The following RIN2 variants were observed in gnomAD, a reference collection of about 807,000 sequenced individuals.
The protein encoded by RIN2 is RAB5 interacting protein 2.
RIN2 carries 36 observed loss-of-function variants against 78.0 expected under a neutral mutation model. The ratio of observed to expected loss-of-function variants is 0.46; its 90% confidence interval spans 0.35 to 0.61. The LOEUF (loss-of-function observed/expected upper bound fraction) is 0.61. Ranked by LOEUF, RIN2 falls within the 20% of genes least tolerant of loss-of-function variation. RIN2 has a pLI of 0.00. For synonymous variants in RIN2, 466 were observed against 466.8 expected (o/e 1.00, Z 0.02); for missense variants, 1,087 against 1,159.7 (o/e 0.94, Z 0.91).
At chr20:19,923,536 G>A (rs1302159569) in intron 3 of RIN2, among the ~76,000 whole-genome samples, 4 of 151,856 alleles carry the variant, frequency 2.6e-5, no homozygotes, top group African/African-American at 9.7e-5. Context: ...CCAGCACTTT[G>A]GGAGGCCAAG....
At chr20:19,808,862 G>A (rs1271338673) in intron 2 of RIN2, among the ~76,000 whole-genome samples, 2 of 152,176 alleles carry the variant, frequency 1.3e-5, no homozygotes, top group Non-Finnish European at 2.9e-5. Flanking sequence ...TGTTATGGTG[G>A]CCTTTATGGT....
chr20:19,998,430 C>T (rs1568729436), intron 12 of RIN2, among the ~76,000 whole-genome samples: 1 of 152,006 alleles, frequency 6.6e-6, no homozygotes, highest in African/African-American at 2.4e-5. Flanking sequence ...GACTCCATCT[C>T]GACAAAACAA....
chr20:19,798,123 T>A (rs1001063760), intron 1 of RIN2, among the ~76,000 whole-genome samples: 4 of 151,764 alleles, frequency 2.6e-5, no homozygotes, highest in African/African-American at 9.7e-5. Context: ...AGTGCTGGGA[T>A]TACAGGTGTG....
intron 3 of RIN2, among the ~76,000 whole-genome samples, chr20:19,910,465 G>C (rs906739678): frequency 4.0e-5 from 6 of 151,428 alleles, no homozygotes; most frequent in Non-Finnish European, 7.4e-5. Flanking sequence ...AAGCCACCAT[G>C]CTTGGCCTTC....
At chr20:19,826,293 T>C (rs2036088072) in intron 2 of RIN2, among the ~76,000 whole-genome samples, 1 of 152,190 alleles carries the variant, frequency 6.6e-6, no homozygotes, top group African/African-American at 2.4e-5. Context: ...TTATTAATCA[T>C]TTATTATATT....
At chr20:19,896,625 G>A (rs1488701312) in intron 3 of RIN2, among the ~76,000 whole-genome samples, 2 of 152,196 alleles carry the variant, frequency 1.3e-5, no homozygotes, top group African/African-American at 4.8e-5. Flanking sequence ...AAACAGCAGA[G>A]CAAGTAGAGA....
chr20:19,844,084 T>A (rs892913529), intron 2 of RIN2, among the ~76,000 whole-genome samples: 4 of 152,168 alleles, frequency 2.6e-5, no homozygotes, highest in Admixed American at 2.6e-4. Flanking sequence ...CTCCAGTATG[T>A]CAAATTCCAA....
chr20:19,838,372 T>A (rs2036482528), intron 2 of RIN2, among the ~76,000 whole-genome samples: 1 of 152,240 alleles, frequency 6.6e-6, no homozygotes, highest in Non-Finnish European at 1.5e-5. Context: ...AATTAAAGTA[T>A]GATCTACGTA....
At chr20:19,949,886 T>C (rs2041245986) in intron 4 of RIN2, among the ~76,000 whole-genome samples, 1 of 152,240 alleles carries the variant, frequency 6.6e-6, no homozygotes. Flanking sequence ...GAGGTGAATC[T>C]GATTCTGGCA....
chr20:19,927,100 G>A (rs993960938), intron 3 of RIN2, among the ~76,000 whole-genome samples: 3 of 152,220 alleles, frequency 2.0e-5, no homozygotes, highest in Non-Finnish European at 4.4e-5. Flanking sequence ...GGACTCCGCG[G>A]ACATTGTTTC....
Position 19,827,439 on chromosome 20 carries a change from G to A in RIN2, c.-37+27692G>A, listed in dbSNP as rs79190567. 3.9e-3 allele frequency among the ~76,000 whole-genome samples: 598 copies of A among 152,276 alleles called. 2 individuals carry two copies. Among genetic ancestry groups the A allele is most frequent in the African/African-American group, 0.014 (573 of 41,544 alleles). ...TTCCAAGAGCAATCATCTCTCAAATGGCCCTGGAGCCCACAGCTTCATAGC... is the reference window on the plus strand; with the variant it reads ...TTCCAAGAGCAATCATCTCTCAAATAGCCCTGGAGCCCACAGCTTCATAGC... On this transcript the variant is annotated intron_variant, in intron 2 of 12. Coordinates refer to ENST00000255006, the MANE Select transcript of RIN2 (RefSeq NM_018993.4).
intron 2 of RIN2, among the ~76,000 whole-genome samples, chr20:19,870,228 A>G (rs1209756766): frequency 6.6e-6 from 1 of 152,182 alleles, no homozygotes; most frequent in Non-Finnish European, 1.5e-5. Context: ...TCTAAACCCG[A>G]GATGCCAATT....
At chr20:19,855,779 A>G (rs778181326) in intron 2 of RIN2, among the ~76,000 whole-genome samples, 6 of 152,202 alleles carry the variant, frequency 3.9e-5, no homozygotes, top group Non-Finnish European at 7.3e-5. Flanking sequence ...CCCAGAGACA[A>G]AAATGAAACA....
chr20:19,975,336 C>T lies in RIN2; in HGVS notation c.1311C>T (p.Ser437=), dbSNP rs2042244548. ...TGAGCGACATGAGCATTTCTACTTC[C>T]TCCTCCGACTCGCTGGAGTTCGACC... The part of the protein sequence containing the change: ...QRLSDMSIST[S]SSDSLEFDRS... The change falls in exon 9 of 13, where the codon TCC becomes TCT. Residue 437 remains serine (S), a synonymous_variant. Coordinates refer to ENST00000255006, the MANE Select transcript of RIN2 (RefSeq NM_018993.4). This position sits in a 1 kb window ranked among gnomAD's most constrained non-coding sequence, Gnocchi z 4.9. The T allele has an allele frequency of 1.2e-6, 2 of 1,611,994 alleles. No individual in the cohort carries two copies. Among genetic ancestry groups the T allele is most frequent in the Non-Finnish European group, 1.7e-6 (2 of 1,179,076 alleles).
intron 2 of RIN2, among the ~76,000 whole-genome samples, chr20:19,883,402 C>T (rs1325243030): frequency 6.8e-6 from 1 of 146,784 alleles, no homozygotes; most frequent in South Asian, 2.2e-4. Flanking sequence ...TGCAGCGGAG[C>T]GATAATGGCT....
At chr20:19,888,262 C>T (rs909987426) in intron 2 of RIN2, among the ~76,000 whole-genome samples, 11 of 152,234 alleles carry the variant, frequency 7.2e-5, no homozygotes, top group African/African-American at 2.4e-4. Flanking sequence ...GATGGGATTC[C>T]GTGCACAGAT....
intron 4 of RIN2, among the ~76,000 whole-genome samples, chr20:19,937,944 T>C (rs199542): frequency 0.026 from 3,911 of 152,322 alleles, 170 homozygotes; most frequent in African/African-American, 0.089. Flanking sequence ...AATGAGGCTA[T>C]GGAAAGTGAA....
At chr20:19,786,560 C>T (rs1315357642) in intron 1 of RIN2, among the ~76,000 whole-genome samples, 1 of 152,190 alleles carries the variant, frequency 6.6e-6, no homozygotes, top group African/African-American at 2.4e-5. Flanking sequence ...GCCAGAACAA[C>T]CCAGCCAAGC....
At chr20:19,821,080 TACC>T (rs1568783012) in intron 2 of RIN2, among the ~76,000 whole-genome samples, 1 of 152,190 alleles carries the variant, frequency 6.6e-6, no homozygotes, top group Non-Finnish European at 1.5e-5. Flanking sequence ...TCTGGCTTTC[TACC>T]AAGAGTTTCA....
Sources: gnomAD v4.1 joint callset for allele counts (sites outside exome capture counted in the v4.1 genomes callset) on GRCh38, gnomAD v4.1.1 for gene constraint, Gnocchi (gnomAD v3.1) non-coding constraint, MANE v1.5 for transcripts, NCBI Gene and HGNC (gene_info 2026-07-23, HGNC 2026-07-21) for gene names.